GPR4: variants seen among roughly 807,000 people sequenced by gnomAD.
GPR4 encodes the protein G-prodeshotein coupled receptor 4.
In GPR4, 11 loss-of-function variants were observed where a neutral mutation model predicts 17.8. The ratio of observed to expected loss-of-function variants is 0.62; its 90% CI spans 0.39 to 1.02. The LOEUF (loss-of-function observed/expected upper bound fraction) is 1.02. Among genes scored for constraint, GPR4 ranks in the 50% least tolerant of loss-of-function variants. The pLI is 0.00. For synonymous variants in GPR4, 219 were observed against 222.8 expected, an observed-to-expected ratio of 0.98 and a Z score of 0.15; for missense variants, 364 against 495.4, an observed-to-expected ratio of 0.73 and a Z score of 2.52.
At chr19:45,601,626 C>T (rs1176700009) in intron 1 of GPR4, among the ~76,000 whole-genome samples, 1 of 151,734 alleles carries the variant, frequency 6.6e-6, no homozygotes, top group Non-Finnish European at 1.5e-5. Flanking sequence ...TTATAAGAGA[C>T]GGAGAGAAAG....
chr19:45,600,386 C>T (rs1970100756), intron 1 of GPR4, among the ~76,000 whole-genome samples: 1 of 152,120 alleles, frequency 6.6e-6, no homozygotes, highest in Admixed American at 6.6e-5. Flanking sequence ...CCTCCACCTC[C>T]CTCCCTCTCT....
In GPR4 at chr19:45,592,687, G is replaced by C. The variant is rs967117697; in HGVS notation, c.-821C>G. On this transcript the variant is annotated 5_prime_UTR_variant, in exon 2 of 2. Transcript: ENST00000323040. The stretch of plus-strand genomic sequence containing the variant: ...ATTGGGATGAAGTCAGTTCACCGCT[G>C]ACTGCAGTGCCTGTTGGGAGAGAGG... The C allele has an allele frequency of 6.0e-6, 1 of 167,026 alleles. No homozygotes were observed. Among genetic ancestry groups the C allele is most frequent in the Non-Finnish European group, 1.5e-5 (1 of 68,242 alleles). 10.3% of individuals were successfully genotyped at this position (167,026 alleles called of 1,614,324 possible).
At chr19:45,593,936 G>A (rs1027493236) in intron 1 of GPR4, among the ~76,000 whole-genome samples, 34 of 149,152 alleles carry the variant, frequency 2.3e-4, no homozygotes, top group African/African-American at 8.2e-4. Flanking sequence ...CTAGAATGCA[G>A]TAGCACGATC....
rs567871806 is a variant in GPR4 at position 45,594,463 on chromosome 19, T to TCC, written c.-831-1768_-831-1767dup. ...AAAAAGAGATCCTCCCACCTTGGCC[T>TCC]CCCAAAATGCTAGGATTATAGGAGT... On this transcript the variant is annotated intron_variant, in intron 1 of 1. Coordinates refer to ENST00000323040, the MANE Select transcript of GPR4 (RefSeq NM_005282.3). Among the ~76,000 whole-genome samples the TCC allele has an allele frequency of 9.4e-4, 136 of 143,916 alleles. 2 individuals carry two copies. The highest frequency in any genetic ancestry group is 3.2e-3 in the African/African-American group (124 of 38,892). 94.4% of individuals were successfully genotyped at this position (143,916 alleles called of 152,430 possible). A position where few individuals can be genotyped will look rare whatever the true frequency, so the allele number is the denominator to read the frequency against.
Position 45,591,204 on chromosome 19 carries a change from C to T in GPR4, c.663G>A (p.Lys221=). The stretch of plus-strand genomic sequence containing the variant: ...TGAGGCTGAGGGCCAGCCGCTTGAT[C>T]TTGGCCTTCTCCTGGCGCTCGGTGG... ...SVSTERQEKA[K]IKRLALSLIA... is the part of the protein sequence containing the mutation. The change falls in exon 2 of 2, where the codon AAG becomes AAA. Residue 221 remains lysine (K), a synonymous_variant. Transcript: ENST00000323040. This position sits in a 1 kb window ranked among gnomAD's most constrained non-coding sequence, Gnocchi z 7.6. The T allele has an allele frequency of 6.2e-7, 1 of 1,613,594 alleles. No homozygotes were observed. The highest frequency in any genetic ancestry group is 2.2e-5 in the East Asian group (1 of 44,866).
At chr19:45,597,164 G>A (rs1970066400) in intron 1 of GPR4, among the ~76,000 whole-genome samples, 1 of 152,076 alleles carries the variant, frequency 6.6e-6, no homozygotes. Context: ...CGCCACCTGG[G>A]TTCAAGTGAG....
chr19:45,594,102 T>TG (rs1019672729), intron 1 of GPR4, among the ~76,000 whole-genome samples: 1 of 123,078 alleles, frequency 8.1e-6, no homozygotes, highest in Non-Finnish European at 1.7e-5. Context: ...ATAAAATAGA[T>TG]GCAGGTCTTC....
chr19:45,595,990 A>G (rs1970054230), intron 1 of GPR4, among the ~76,000 whole-genome samples: 1 of 152,162 alleles, frequency 6.6e-6, no homozygotes, highest in Non-Finnish European at 1.5e-5. Flanking sequence ...GCATCTTTCC[A>G]TGGGAAAGTC....
In GPR4 at chr19:45,591,262, C is replaced by A. The variant is rs773744239; in HGVS notation, c.605G>T (p.Arg202Leu). 6.2e-7 allele frequency: 1 copy of A among 1,613,154 alleles called. No individual in the cohort carries two copies. Among genetic ancestry groups the A allele is most frequent in the East Asian group, 2.2e-5 (1 of 44,864 alleles). ...FPWALMLLSY[R>L]GILRAVRGSV... ...GCCCCGCACGGCCCGCAGGATGCCC[C>A]GGTACGACAGCAGCATGAGCGCCCA... Residue 202 changes from arginine to leucine, a missense_variant, in exon 2 of 2, where the codon CGG becomes CTG. Transcript: ENST00000323040. This position sits in a 1 kb window ranked among gnomAD's most constrained non-coding sequence, Gnocchi z 7.6.
chr19:45,596,145 G>A (rs1490010241), intron 1 of GPR4, among the ~76,000 whole-genome samples: 1 of 151,942 alleles, frequency 6.6e-6, no homozygotes, highest in Non-Finnish European at 1.5e-5. Flanking sequence ...GGGCTACTCT[G>A]GCTTCCTTCA....
intron 1 of GPR4, among the ~76,000 whole-genome samples, chr19:45,597,415 C>T (rs1970068563): frequency 2.0e-5 from 3 of 152,112 alleles, no homozygotes; most frequent in Admixed American, 2.0e-4. Context: ...CCTCGGGAGT[C>T]CCTCTCCATT....
chr19:45,594,214 G>C (rs914477602), intron 1 of GPR4, among the ~76,000 whole-genome samples: 8 of 147,844 alleles, frequency 5.4e-5, no homozygotes, highest in African/African-American at 2.0e-4. Flanking sequence ...ATGAGGTCAA[G>C]AGATCAAAAC....
chr19:45,598,236 A>T (rs973808832), intron 1 of GPR4, among the ~76,000 whole-genome samples: 1 of 152,200 alleles, frequency 6.6e-6, no homozygotes, highest in East Asian at 1.9e-4. Context: ...CTAGAATGCG[A>T]TATCAGCTCC....
At chr19:45,594,140 C>A (rs1970033118) in intron 1 of GPR4, among the ~76,000 whole-genome samples, 1 of 140,488 alleles carries the variant, frequency 7.1e-6, no homozygotes, top group Non-Finnish European at 1.5e-5. Flanking sequence ...GTCTCTTGAA[C>A]TCCTGAGCTC....
At position 45,591,826 on chromosome 19, in the gene GPR4, C is replaced by A; in HGVS notation, c.41G>T (p.Arg14Leu). The A allele has an allele frequency of 6.3e-7, 1 of 1,587,376 alleles. No homozygotes were observed. The highest frequency in any genetic ancestry group is 8.6e-7 in the Non-Finnish European group (1 of 1,163,124). The part of the protein sequence containing the change: ...HTWEGCHVDS[R>L]VDHLFPPSLY... The stretch of plus-strand genomic sequence containing the variant: ...GGATGGCGGAAAGAGGTGGTCCACG[C>A]GCGAGTCCACGTGGCAGCCCTCCCA... The change falls in exon 2 of 2, where the codon CGC becomes CTC. Residue 14 changes from arginine (R) to leucine (L), a missense_variant. By Grantham distance (102) the Arg-to-Leu change is moderately radical. Around this residue, in one of 3 missense-constraint regions of GPR4, gnomAD observed 271 missense variants for 373.1 expected, o/e 0.73. Transcript: ENST00000323040. The surrounding 1 kb of genome is among the most constrained non-coding windows in gnomAD (Gnocchi z 7.6).
intron 1 of GPR4, among the ~76,000 whole-genome samples, chr19:45,599,426 A>ACCCC (rs374400386): frequency 2.5e-5 from 2 of 79,550 alleles, no homozygotes; most frequent in African/African-American, 9.7e-5. Flanking sequence ...TGCTCCCACC[A>ACCCC]CCCCCCCCTC....
chr19:45,598,664 G>T (rs185766335), intron 1 of GPR4, among the ~76,000 whole-genome samples: 1 of 152,250 alleles, frequency 6.6e-6, no homozygotes, highest in East Asian at 1.9e-4. Context: ...GAACGCCACA[G>T]TGCAGCCGAC....
chr19:45,590,832 A>G lies in GPR4; in HGVS notation c.1035T>C (p.Thr345=), dbSNP rs775682837. Residue 345 remains threonine, a synonymous_variant, in exon 2 of 2, where the codon ACT becomes ACC. Coordinates refer to ENST00000323040, the MANE Select transcript of GPR4 (RefSeq NM_005282.3). ...AKAMTGSWAA[T]PPSQGDQVQL... is the part of the protein sequence containing the mutation. ...GCACCTGGTCCCCCTGGGAGGGCGG[A>G]GTGGCCGCCCAGCTGCCAGTCATGG... 1 of 1,609,468 alleles carries G rather than the reference A, an allele frequency of 6.2e-7. No homozygotes were observed. The highest frequency in any genetic ancestry group is 2.2e-5 in the East Asian group (1 of 44,822).
Position 45,591,220 on chromosome 19 carries a change from C to T in GPR4, c.647G>A (p.Arg216His), listed in dbSNP as rs1000314680. ...RAVRGSVSTE[R>H]QEKAKIKRLA... ...CCGCTTGATCTTGGCCTTCTCCTGG[C>T]GCTCGGTGGACACGCTGCCCCGCAC... The change falls in exon 2 of 2, where the codon CGC (arginine) becomes CAC (histidine). Residue 216 changes from arginine to histidine, a missense_variant. By Grantham distance (29) the Arg-to-His change is conservative. Transcript: ENST00000323040. The surrounding 1 kb of genome is among the most constrained non-coding windows in gnomAD (Gnocchi z 7.6). 1 of 1,613,322 alleles carries T rather than the reference C, an allele frequency of 6.2e-7. No homozygotes were observed. Among genetic ancestry groups the T allele is most frequent in the Non-Finnish European group, 8.5e-7 (1 of 1,179,972 alleles).
Sources: allele counts gnomAD v4.1 joint callset (sites outside exome capture counted in the v4.1 genomes callset), GRCh38; gene constraint gnomAD v4.1.1; regional missense constraint gnomAD v4.1.1; non-coding constraint Gnocchi (gnomAD v3.1); transcripts MANE v1.5; gene names NCBI Gene and HGNC (gene_info 2026-07-23, HGNC 2026-07-21).